Variants in SHROOM1 observed in about 807,000 individuals in gnomAD.
The protein encoded by SHROOM1 is shroom family member 1.
A neutral mutation model predicts 64.2 loss-of-function variants in SHROOM1; 53 were observed. The observed-to-expected ratio is 0.83, with a 90% CI of 0.66 to 1.04. The LOEUF is 1.04. SHROOM1 is among the 50% of genes least tolerant of loss of function. The pLI, the probability that SHROOM1 is intolerant of heterozygous loss-of-function variation, is 0.00. For missense variants in SHROOM1, 1,179 were observed against 1,163.2 expected, an observed-to-expected ratio of 1.01 and a Z score of -0.20; for synonymous variants, 490 against 518.9, an observed-to-expected ratio of 0.94 and a Z score of 0.76.
In SHROOM1 at chr5:132,830,462, C is replaced by G. The variant is rs1758810738; in HGVS notation, c.-501+132G>C. 1.0e-6 allele frequency: 1 copy of G among 984,970 alleles called. No individual in the cohort carries two copies. Among genetic ancestry groups the G allele is most frequent in the Non-Finnish European group, 1.2e-6 (1 of 829,872 alleles). The allele number at this position is 984,970 out of a possible 1,614,324, so 61.0% of individuals were successfully genotyped here. On this transcript the variant is annotated intron_variant, in intron 1 of 9. Coordinates refer to ENST00000378679, the MANE Select transcript of SHROOM1 (RefSeq NM_001172700.2). This position sits in a 1 kb window ranked among gnomAD's most constrained non-coding sequence, Gnocchi z 5.9. The stretch of plus-strand genomic sequence containing the variant: ...CCGAGCCAGACACGTCCCGGCCGAA[C>G]GATGCCCGGGCTGCCCCGCGACCAC...
chr5:132,829,490 G>A, intron 1 of SHROOM1: 4 of 812,530 alleles, frequency 4.9e-6, no homozygotes, highest in Non-Finnish European at 6.0e-6. Context: ...GACAGTTTCC[G>A]GTGGATAAAA....
chr5:132,827,752 C>T (rs546022504), intron 1 of SHROOM1, 145 bp from the exon 2 acceptor site: 20 of 152,362 alleles, frequency 1.3e-4, no homozygotes, highest in African/African-American at 2.9e-4. Context: ...CTTCTGCGCA[C>T]GCTTCTTCCC....
rs529300703 is a variant in SHROOM1 at position 132,827,279 on chromosome 5, G to A, written c.-354+182C>T. Among the ~76,000 whole-genome samples the A allele has an allele frequency of 6.0e-4, 92 of 152,190 alleles. No individual in the cohort carries two copies. In the South Asian group the frequency reaches 0.018, roughly 31 times the overall value. On this transcript the variant is annotated intron_variant, in intron 2 of 9. Transcript: ENST00000378679. ...AGAATGGGCCCTGCTCTTCCTCATT[G>A]CTGCACTCTCAGTGCCCAGCAGAGT...
chr5:132,825,730 C>T lies in SHROOM1; in HGVS notation c.411G>A (p.Ser137=), dbSNP rs929901005. 1 of 1,281,954 alleles carries T rather than the reference C, an allele frequency of 7.8e-7. No homozygotes were observed. Among genetic ancestry groups the T allele is most frequent in the Non-Finnish European group, 9.8e-7 (1 of 1,019,894 alleles). The allele number at this position is 1,281,954 out of a possible 1,614,324, so 79.4% of individuals were successfully genotyped here. The change falls in exon 4 of 10, where the codon TCG becomes TCA. Residue 137 remains serine (S), a synonymous_variant. Coordinates refer to ENST00000378679, the MANE Select transcript of SHROOM1 (RefSeq NM_001172700.2). The surrounding 1 kb of genome is among the most constrained non-coding windows in gnomAD (Gnocchi z 5.1). The part of the protein sequence containing the change: ...QAAEPPSPPA[S]RAAYRQRLQG... ...GAAGCCGCTGGCGGTAGGCGGCCCT[C>T]GAGGCCGGCGGGCTGGGCGGCTCGG...
chr5:132,825,471 A>G lies in SHROOM1; in HGVS notation c.670T>C (p.Ser224Pro). ...ACACGATCCAGCTTTCCTGGCTCTG[A>G]GAAGCACCACTTCCGCTGCTGGTTG... ...LANQQRKWCFSEPGKLDRVGR... is the reference protein window; with the variant it reads ...LANQQRKWCFPEPGKLDRVGR... Residue 224 changes from serine (S) to proline (P), a missense_variant, in exon 4 of 10, where the codon TCA becomes CCA. Ser to Pro is a moderately conservative substitution (Grantham distance 74, BLOSUM62 -1). Coordinates refer to ENST00000378679, the MANE Select transcript of SHROOM1 (RefSeq NM_001172700.2). This position sits in a 1 kb window ranked among gnomAD's most constrained non-coding sequence, Gnocchi z 5.1. The G allele has an allele frequency of 6.4e-7, 1 of 1,555,064 alleles. No individual in the cohort carries two copies. Among genetic ancestry groups the G allele is most frequent in the Non-Finnish European group, 8.7e-7 (1 of 1,154,384 alleles).
At position 132,826,176 on chromosome 5, in the gene SHROOM1, G is replaced by C; in HGVS notation, c.-36C>G. Reference sequence around the variant, plus strand: ...ATGAGTGCTGAGGCTGGGTGGCTGCGTGGGTCCTGGGAAAACACAGATGTG... The same window carrying C: ...ATGAGTGCTGAGGCTGGGTGGCTGCCTGGGTCCTGGGAAAACACAGATGTG... On this transcript the variant is annotated 5_prime_UTR_variant, in exon 4 of 10. Coordinates refer to ENST00000378679, the MANE Select transcript of SHROOM1 (RefSeq NM_001172700.2). 1 of 1,304,512 alleles carries C rather than the reference G, an allele frequency of 7.7e-7. No individual in the cohort carries two copies. Among genetic ancestry groups the C allele is most frequent in the Non-Finnish European group, 9.7e-7 (1 of 1,027,412 alleles). The allele number at this position is 1,304,512 out of a possible 1,614,324, so 80.8% of individuals were successfully genotyped here.
At position 132,830,048 on chromosome 5, in the gene SHROOM1, G is replaced by A. The variant is rs1258199063; in HGVS notation, c.-501+546C>T. ...CGGTTACCTGGGGTTCAATCTCTGG[G>A]AGCCGAGGCACGGGAGGGAGAGAGG... On this transcript the variant is annotated intron_variant, in intron 1 of 9. Transcript: ENST00000378679. The surrounding 1 kb of genome is among the most constrained non-coding windows in gnomAD (Gnocchi z 5.9). The A allele has an allele frequency of 2.0e-6, 2 of 985,242 alleles. No individual in the cohort carries two copies. Among genetic ancestry groups the A allele is most frequent in the African/African-American group, 1.7e-5 (1 of 57,214 alleles). 61.0% of individuals were successfully genotyped at this position (985,242 alleles called of 1,614,324 possible). A position where few individuals can be genotyped will look rare whatever the true frequency, so the allele number is the denominator to read the frequency against.
Position 132,823,267 on chromosome 5 carries a change from T to A in SHROOM1, c.2209A>T (p.Ser737Cys). Residue 737 changes from serine to cysteine, a missense_variant, in exon 9 of 10, where the codon AGC (serine) becomes TGC (cysteine). By Grantham distance (112) the Ser-to-Cys change is moderately radical. Transcript: ENST00000378679. The surrounding 1 kb of genome is among the most constrained non-coding windows in gnomAD (Gnocchi z 4.6). ...CCTTTTACCTGCTCATCAGGGTCGC[T>A]GTCTGAGGCCGCCCGGGCCAGGGCG... is the stretch of plus-strand genomic sequence containing the variant. ...RRALARAASD[S>C]DPDEQASLLQ... 8 of 1,598,462 alleles carry A rather than the reference T, an allele frequency of 5.0e-6. No individual in the cohort carries two copies. The highest frequency in any genetic ancestry group is 6.8e-6 in the Non-Finnish European group (8 of 1,178,180).
In SHROOM1 at chr5:132,825,606, G is replaced by T. The variant is rs534963178; in HGVS notation, c.535C>A (p.Pro179Thr). ...ARLRPTVPARPPATHPRSASL... is the reference protein window; with the variant it reads ...ARLRPTVPARTPATHPRSASL... ...GCGGAGCGCGGGTGAGTCGCCGGGG[G>T]CCGCGCTGGGACAGTGGGCCGCAGA... The change falls in exon 4 of 10, where the codon CCC (proline) becomes ACC (threonine). Residue 179 changes from proline (P) to threonine (T), a missense_variant. Transcript: ENST00000378679. The surrounding 1 kb of genome is among the most constrained non-coding windows in gnomAD (Gnocchi z 5.1). 2 of 1,377,142 alleles carry T rather than the reference G, an allele frequency of 1.5e-6. No individual in the cohort carries two copies. Among genetic ancestry groups the T allele is most frequent in the African/African-American group, 1.5e-5 (1 of 65,080 alleles). The allele number at this position is 1,377,142 out of a possible 1,614,324, so 85.3% of individuals were successfully genotyped here.
chr5:132,822,782 C>T lies in SHROOM1; in HGVS notation c.*14G>A. 1.3e-6 allele frequency: 2 copies of T among 1,573,792 alleles called. No individual in the cohort carries two copies. The highest frequency in any genetic ancestry group is 1.3e-5 in the African/African-American group (1 of 74,314). The stretch of plus-strand genomic sequence containing the variant: ...AGAGATAGGGGCGGTGCACCCCACC[C>T]TCTCCACCTATAACTATGTAAGGAG... On this transcript the variant is annotated 3_prime_UTR_variant, in exon 10 of 10. Transcript: ENST00000378679.
Position 132,822,844 on chromosome 5 carries a change from T to G in SHROOM1, c.2511A>C (p.Pro837=). 1.9e-6 allele frequency: 3 copies of G among 1,612,814 alleles called. No homozygotes were observed. Among genetic ancestry groups the G allele is most frequent in the Non-Finnish European group, 2.5e-6 (3 of 1,179,694 alleles). ...HAPSPSPARP[P]GTCPPVQPPF... ...GCGGCTGAACTGGAGGACAGGTCCC[T>G]GGGGGCCGCGCCGGGCTGGGAGACG... The change falls in exon 10 of 10, where the codon CCA becomes CCC. Residue 837 remains proline (P), a synonymous_variant. Coordinates refer to ENST00000378679, the MANE Select transcript of SHROOM1 (RefSeq NM_001172700.2).
In SHROOM1 at chr5:132,824,123, T is replaced by C. The variant is rs763727124; in HGVS notation, c.1538A>G (p.Asn513Ser). ...VPADALGLSG[N>S]DTPGPSHNTA... ...ATTGTGAGAGGGACCTGGAGTATCA[T>C]TGCCTGAAAGTCCCAAGGCATCAGC... The change falls in exon 7 of 10, where the codon AAT (asparagine) becomes AGT (serine). Residue 513 changes from asparagine to serine, a missense_variant. Transcript: ENST00000378679. The C allele has an allele frequency of 6.2e-6, 10 of 1,614,094 alleles. No homozygotes were observed. The highest frequency in any genetic ancestry group is 8.5e-6 in the Non-Finnish European group (10 of 1,180,014).
Position 132,825,642 on chromosome 5 carries a change from G to C in SHROOM1, c.499C>G (p.Leu167Val). The change falls in exon 4 of 10, where the codon CTG becomes GTG. Residue 167 changes from leucine to valine, a missense_variant. By Grantham distance (32) the Leu-to-Val change is conservative. Coordinates refer to ENST00000378679, the MANE Select transcript of SHROOM1 (RefSeq NM_001172700.2). This position sits in a 1 kb window ranked among gnomAD's most constrained non-coding sequence, Gnocchi z 5.1. Reference sequence around the variant, plus strand: ...ACAGTGGGCCGCAGACGGGCGGGCAGGCTCATGCGGAGCTCCTTGCGCTGG... The same window carrying C: ...ACAGTGGGCCGCAGACGGGCGGGCACGCTCATGCGGAGCTCCTTGCGCTGG... ...SFQRKELRMSLPARLRPTVPA... is the reference protein window; with the variant it reads ...SFQRKELRMSVPARLRPTVPA... 1 of 1,344,392 alleles carries C rather than the reference G, an allele frequency of 7.4e-7. No homozygotes were observed. The highest frequency in any genetic ancestry group is 3.9e-5 in the Admixed American group (1 of 25,378). The allele number at this position is 1,344,392 out of a possible 1,614,324, so 83.3% of individuals were successfully genotyped here.
In SHROOM1 at chr5:132,825,008, T is replaced by C. The variant is rs1017171424; in HGVS notation, c.1034+10A>G. The C allele has an allele frequency of 4.2e-5, 68 of 1,613,878 alleles. No homozygotes were observed. The highest frequency in any genetic ancestry group is 5.6e-5 in the Non-Finnish European group (66 of 1,179,974). On this transcript the variant is annotated intron_variant, in intron 5 of 9. Coordinates refer to ENST00000378679, the MANE Select transcript of SHROOM1 (RefSeq NM_001172700.2). This position sits in a 1 kb window ranked among gnomAD's most constrained non-coding sequence, Gnocchi z 5.1. Reference sequence around the variant, plus strand: ...CCCCAACTTGGTCCAGAGTGGTCCGTGTCTCTCACCTGGAAAGTTTGGTCT... The same window carrying C: ...CCCCAACTTGGTCCAGAGTGGTCCGCGTCTCTCACCTGGAAAGTTTGGTCT...
rs1435554508 is a variant in SHROOM1, at chr5:132,824,178, C to A, written c.1483G>T (p.Ala495Ser). 5.6e-6 allele frequency: 9 copies of A among 1,614,108 alleles called. No individual in the cohort carries two copies. The highest frequency in any genetic ancestry group is 7.6e-6 in the Non-Finnish European group (9 of 1,180,046). The change falls in exon 7 of 10, where the codon GCA becomes TCA. Residue 495 changes from alanine to serine, a missense_variant. Physicochemically the swap from Ala to Ser is moderately conservative, Grantham distance 99 (BLOSUM62 1). Coordinates refer to ENST00000378679, the MANE Select transcript of SHROOM1 (RefSeq NM_001172700.2). The part of the protein sequence containing the change: ...TGLTTNPPTA[A>S]ESDLLKPVPA... ...ACAGGTTTGAGGAGGTCACTCTCTG[C>A]AGCTGTGGGGGGATTGGTGGTCAGT...
chr5:132,830,385 G>T lies in SHROOM1; in HGVS notation c.-501+209C>A. The stretch of plus-strand genomic sequence containing the variant: ...CGCCTCTCCGCCCTGCAGCTCTGCA[G>T]CTGGGAGAGGCGCGCTGGGGTCCGA... On this transcript the variant is annotated intron_variant, in intron 1 of 9. Coordinates refer to ENST00000378679, the MANE Select transcript of SHROOM1 (RefSeq NM_001172700.2). The surrounding 1 kb of genome is among the most constrained non-coding windows in gnomAD (Gnocchi z 5.9). The T allele has an allele frequency of 1.0e-6, 1 of 985,028 alleles. No homozygotes were observed. The highest frequency in any genetic ancestry group is 1.2e-6 in the Non-Finnish European group (1 of 829,772). 61.0% of individuals were successfully genotyped at this position (985,028 alleles called of 1,614,324 possible). A position where few individuals can be genotyped will look rare whatever the true frequency, so the allele number is the denominator to read the frequency against.
At position 132,826,515 on chromosome 5, in the gene SHROOM1, C is replaced by T. The variant is rs533044790; in HGVS notation, c.-281G>A. 25 of 213,886 alleles carry T rather than the reference C, an allele frequency of 1.2e-4. No individual in the cohort carries two copies. Among genetic ancestry groups the T allele is most frequent in the Non-Finnish European group, 2.1e-4 (23 of 109,030 alleles). The allele number at this position is 213,886 out of a possible 1,614,324, so 13.2% of individuals were successfully genotyped here. On this transcript the variant is annotated 5_prime_UTR_variant, in exon 3 of 10. Transcript: ENST00000378679. ...GGAACGCTGAGAATGTACCCATGTT[C>T]CTTTCCTCCCCAACCCTGTTCCACC...
At position 132,826,377 on chromosome 5, in the gene SHROOM1, C is replaced by T; in HGVS notation, c.-143G>A. 2.3e-6 allele frequency: 2 copies of T among 879,388 alleles called. No homozygotes were observed. Among genetic ancestry groups the T allele is most frequent in the Non-Finnish European group, 3.0e-6 (2 of 667,026 alleles). 54.5% of individuals were successfully genotyped at this position (879,388 alleles called of 1,614,324 possible). ...GTGGCAGAGGAAGTAGGACCAGTCCCAGGGAGCACCTCTGAAGGTTGAGGG... is the reference window on the plus strand; with the variant it reads ...GTGGCAGAGGAAGTAGGACCAGTCCTAGGGAGCACCTCTGAAGGTTGAGGG... On this transcript the variant is annotated 5_prime_UTR_variant, in exon 3 of 10. Coordinates refer to ENST00000378679, the MANE Select transcript of SHROOM1 (RefSeq NM_001172700.2).
rs1481335579 is a variant in SHROOM1, at chr5:132,823,404, C to G, written c.2072G>C (p.Arg691Pro). The G allele has an allele frequency of 1.2e-6, 2 of 1,610,602 alleles. No individual in the cohort carries two copies. The highest frequency in any genetic ancestry group is 1.1e-5 in the South Asian group (1 of 91,056). The change falls in exon 9 of 10, where the codon CGC becomes CCC. Residue 691 changes from arginine (R) to proline (P), a missense_variant. Coordinates refer to ENST00000378679, the MANE Select transcript of SHROOM1 (RefSeq NM_001172700.2). The surrounding 1 kb of genome is among the most constrained non-coding windows in gnomAD (Gnocchi z 4.6). ...RRQAALEAAVRQACAPQELER... is the reference protein window; with the variant it reads ...RRQAALEAAVPQACAPQELER... ...CAGCTCCTGAGGGGCACAGGCCTGG[C>G]GCACTGCAGCCTCCAGAGCCGCTTG...
Sources: allele counts gnomAD v4.1 joint callset (sites outside exome capture counted in the v4.1 genomes callset), GRCh38; gene constraint gnomAD v4.1.1; non-coding constraint Gnocchi (gnomAD v3.1); transcripts MANE v1.5; gene names NCBI Gene and HGNC (gene_info 2026-07-23, HGNC 2026-07-21).